The following STX8 variants were observed in gnomAD, a reference collection of about 807,000 sequenced individuals.
The protein encoded by STX8 is syntaxin-8.
Under a neutral mutation model 37.5 loss-of-function variants are expected in STX8, and 23 were observed. That is an observed-to-expected ratio of 0.61 (90% CI 0.44 to 0.87). The LOEUF (loss-of-function observed/expected upper bound fraction) is 0.87, where lower values mean the gene tolerates loss of function less well. Among genes scored for constraint, STX8 ranks in the 40% least tolerant of loss-of-function variants. The pLI is 0.00. For synonymous variants in STX8, 115 were observed against 99.1 expected (o/e 1.16, Z -0.95); for missense variants, 313 against 284.7 (o/e 1.10, Z -0.71).
intron 6 of STX8, among the ~76,000 whole-genome samples, chr17:9,478,087 C>T (rs73263595): frequency 1.3e-5 from 2 of 152,170 alleles, no homozygotes; most frequent in Non-Finnish European, 2.9e-5. Flanking sequence ...TTTCTGGCAC[C>T]TGGAGAACTC....
At chr17:9,547,264 A>AAAAAAAAAAAAAAAAAAAAAAAC (rs1906571298) in intron 3 of STX8, 1 of 149,666 alleles carries the variant, frequency 6.7e-6, no homozygotes, top group African/African-American at 2.5e-5. Context: ...AAAAAAAAAA[A>AAAAAAAAAAAAAAAAAAAAAAAC]AAGAAAAAAG....
At chr17:9,474,833 G>A (rs578175620) in intron 6 of STX8, among the ~76,000 whole-genome samples, 5 of 152,244 alleles carry the variant, frequency 3.3e-5, no homozygotes, top group Admixed American at 6.5e-5. Context: ...TTAGCTGGGC[G>A]TGGTGGTGCA....
intron 6 of STX8, among the ~76,000 whole-genome samples, chr17:9,422,616 T>C (rs1472166971): frequency 6.6e-6 from 1 of 152,278 alleles, no homozygotes; most frequent in Non-Finnish European, 1.5e-5. Flanking sequence ...TGTTGTTCCA[T>C]GTGTCAGTAT....
intron 7 of STX8, among the ~76,000 whole-genome samples, chr17:9,276,722 A>G (rs1435857066): frequency 6.7e-6 from 1 of 148,730 alleles, no homozygotes; most frequent in East Asian, 2.0e-4. Context: ...TGCAACCTCT[A>G]CCTCCTGGAT....
At chr17:9,288,535 G>A (rs941238192) in intron 7 of STX8, among the ~76,000 whole-genome samples, 4 of 152,008 alleles carry the variant, frequency 2.6e-5, no homozygotes, top group Non-Finnish European at 1.5e-5. Flanking sequence ...GGTGGCAGGC[G>A]CCTGTAGTCC....
At chr17:9,418,660 T>C (rs1466456577) in intron 6 of STX8, among the ~76,000 whole-genome samples, 2 of 151,374 alleles carry the variant, frequency 1.3e-5, no homozygotes, top group African/African-American at 4.8e-5. Flanking sequence ...ACCCCGTCTC[T>C]ACTAAAAATA....
chr17:9,523,902 T>G (rs1003208128), intron 4 of STX8, among the ~76,000 whole-genome samples: 1 of 152,188 alleles, frequency 6.6e-6, no homozygotes, highest in African/African-American at 2.4e-5. Context: ...AGAGTGTCAA[T>G]GAATAATGCT....
intron 6 of STX8, among the ~76,000 whole-genome samples, chr17:9,453,345 C>T (rs964778124): frequency 2.6e-5 from 4 of 152,132 alleles, no homozygotes; most frequent in Non-Finnish European, 4.4e-5. Context: ...GGAGAAAACA[C>T]TATTGTAATT....
chr17:9,373,700 A>G (rs1911488020), intron 7 of STX8, among the ~76,000 whole-genome samples: 1 of 152,098 alleles, frequency 6.6e-6, no homozygotes, highest in African/African-American at 2.4e-5. Flanking sequence ...AGCACTTTGG[A>G]AGGCCGAGGA....
intron 5 of STX8, among the ~76,000 whole-genome samples, chr17:9,502,857 C>T (rs1904669950): frequency 6.6e-6 from 1 of 152,052 alleles, no homozygotes; most frequent in Non-Finnish European, 1.5e-5. Flanking sequence ...AATCCCAGCA[C>T]TTTGGGAGGC....
intron 7 of STX8, among the ~76,000 whole-genome samples, chr17:9,307,168 G>A (rs566152959): frequency 2.2e-4 from 34 of 152,086 alleles, no homozygotes; most frequent in East Asian, 2.1e-3. Context: ...AAAATGACTC[G>A]TTTACCAAGG....
At chr17:9,316,039 TA>T (rs1909372876) in intron 7 of STX8, among the ~76,000 whole-genome samples, 1 of 148,810 alleles carries the variant, frequency 6.7e-6, no homozygotes, top group South Asian at 2.1e-4. Context: ...AAAAAAGTAA[TA>T]AAGCTCTCCT....
chr17:9,558,442 A>T (rs1488898959), intron 2 of STX8, among the ~76,000 whole-genome samples: 2 of 152,038 alleles, frequency 1.3e-5, no homozygotes, highest in African/African-American at 2.4e-5. Flanking sequence ...CAGCCAAGAA[A>T]AGTCTAACCT....
At chr17:9,522,355 G>A (rs1597722530) in intron 4 of STX8, among the ~76,000 whole-genome samples, 1 of 151,972 alleles carries the variant, frequency 6.6e-6, no homozygotes, top group Non-Finnish European at 1.5e-5. Flanking sequence ...CATGCAACAT[G>A]CTTAGAAACA....
At chr17:9,432,889 C>T (rs531500581) in intron 6 of STX8, among the ~76,000 whole-genome samples, 19 of 152,288 alleles carry the variant, frequency 1.2e-4, no homozygotes, top group African/African-American at 4.3e-4. Flanking sequence ...AACACTGTTA[C>T]CTTCAGAGTA....
chr17:9,531,302 T>C (rs1905810124), intron 4 of STX8, among the ~76,000 whole-genome samples: 1 of 152,176 alleles, frequency 6.6e-6, no homozygotes, highest in Non-Finnish European at 1.5e-5. Context: ...GCTTCTCAAG[T>C]GGCAAAACGG....
intron 6 of STX8, among the ~76,000 whole-genome samples, chr17:9,491,407 C>T (rs1906845971): frequency 6.6e-6 from 1 of 152,130 alleles, no homozygotes; most frequent in Non-Finnish European, 1.5e-5. Flanking sequence ...ACATCAAACC[C>T]TGAACAAAGA....
chr17:9,515,492 TTCTC>T (rs142393139), intron 4 of STX8, among the ~76,000 whole-genome samples: 256 of 149,834 alleles, frequency 1.7e-3, no homozygotes, highest in Admixed American at 3.3e-3. Flanking sequence ...TTTGAAGTCT[TTCTC>T]TCTCTCTCTC....
At chr17:9,516,948 A>T (rs1905175962) in intron 4 of STX8, among the ~76,000 whole-genome samples, 1 of 152,110 alleles carries the variant, frequency 6.6e-6, no homozygotes, top group Non-Finnish European at 1.5e-5. Flanking sequence ...TGAGGATATG[A>T]TACCCTTGTT....
Sources: allele counts gnomAD v4.1 joint callset (sites outside exome capture counted in the v4.1 genomes callset), GRCh38; gene constraint gnomAD v4.1.1; transcripts MANE v1.5; gene names NCBI Gene and HGNC (gene_info 2026-07-23, HGNC 2026-07-21).